Variants in SGCG observed in about 807,000 individuals in gnomAD.
SGCG encodes the protein gamma-sarcoglycan.
Under a neutral mutation model 29.3 loss-of-function variants are expected in SGCG, and 26 were observed. The observed-to-expected ratio is 0.89, with a 90% CI of 0.65 to 1.23. SGCG has a LOEUF of 1.23. Among genes scored for constraint, SGCG ranks in the 50% most tolerant of loss-of-function variants. The probability of loss-of-function intolerance (pLI) is 0.00; values close to 1 mark genes in which losing one functional copy is unlikely to be tolerated. For missense variants in SGCG, 353 were observed against 356.0 expected (o/e 0.99, Z 0.07); for synonymous variants, 145 against 129.7 (o/e 1.12, Z -0.80).
intron 5 of SGCG, among the ~76,000 whole-genome samples, chr13:23,281,581 G>C (rs717826): frequency 0.43 from 65,933 of 151,964 alleles, 15,136 homozygotes; most frequent in Middle Eastern, 0.65. Context: ...CTCTGTAGAA[G>C]AGCAGTCCCC....
intron 2 of SGCG, among the ~76,000 whole-genome samples, chr13:23,226,205 G>A (rs9580576): frequency 0.19 from 29,324 of 151,924 alleles, 3,143 homozygotes; most frequent in South Asian, 0.27. Context: ...TAAAAAGATC[G>A]TCTATTATGC....
chr13:23,319,633 C>T (rs1882960292), intron 6 of SGCG, among the ~76,000 whole-genome samples: 1 of 152,182 alleles, frequency 6.6e-6, no homozygotes, highest in Non-Finnish European at 1.5e-5. Context: ...TCTTAAGCCA[C>T]TTCCCTTTCT....
At chr13:23,276,739 G>T (rs938774810) in intron 4 of SGCG, among the ~76,000 whole-genome samples, 3 of 152,220 alleles carry the variant, frequency 2.0e-5, no homozygotes, top group Admixed American at 1.3e-4. Flanking sequence ...CCAGCAGGAA[G>T]CATGAACTCT....
chr13:23,283,951 A>G (rs1435609666), intron 5 of SGCG, among the ~76,000 whole-genome samples: 1 of 152,202 alleles, frequency 6.6e-6, no homozygotes, highest in Non-Finnish European at 1.5e-5. Flanking sequence ...TTTCTGGATT[A>G]TAGGGTTTCT....
chr13:23,275,605 C>A (rs1224574865), intron 4 of SGCG, among the ~76,000 whole-genome samples: 1 of 152,138 alleles, frequency 6.6e-6, no homozygotes, highest in Non-Finnish European at 1.5e-5. Context: ...CTAAGTTTCA[C>A]TGGCATAGCA....
chr13:23,251,545 G>A (rs1879968696), intron 4 of SGCG, among the ~76,000 whole-genome samples: 1 of 152,180 alleles, frequency 6.6e-6, no homozygotes, highest in Non-Finnish European at 1.5e-5. Context: ...CACTTTGGGA[G>A]GCCAGGATGG....
At chr13:23,216,013 AC>A (rs997260401) in intron 2 of SGCG, among the ~76,000 whole-genome samples, 4 of 152,274 alleles carry the variant, frequency 2.6e-5, no homozygotes, top group African/African-American at 9.6e-5. Flanking sequence ...ATAATTATCT[AC>A]CTTTTCTTAG....
At chr13:23,267,143 G>A (rs1880669844) in intron 4 of SGCG, among the ~76,000 whole-genome samples, 2 of 152,130 alleles carry the variant, frequency 1.3e-5, no homozygotes, top group East Asian at 3.8e-4. Context: ...ACTTAAATAT[G>A]AGACACACCC....
chr13:23,312,491 G>A (rs1882639720), intron 6 of SGCG, among the ~76,000 whole-genome samples: 1 of 152,186 alleles, frequency 6.6e-6, no homozygotes, highest in East Asian at 1.9e-4. Context: ...TTTAATAACT[G>A]TACTTCTATA....
chr13:23,271,025 C>G (rs1277706142), intron 4 of SGCG, among the ~76,000 whole-genome samples: 2 of 151,870 alleles, frequency 1.3e-5, no homozygotes, highest in Non-Finnish European at 2.9e-5. Context: ...AGTTCAAGAC[C>G]ATATGGAGAA....
chr13:23,219,905 G>A lies in SGCG; in HGVS notation c.196-14706G>A, dbSNP rs144183859. ...GGATGGAGTGCAGTGGCGCCATCTCGGCTCACTGCAAGCTCCGCCTTCTGG... is the reference window on the plus strand; with the variant it reads ...GGATGGAGTGCAGTGGCGCCATCTCAGCTCACTGCAAGCTCCGCCTTCTGG... On this transcript the variant is annotated intron_variant, in intron 2 of 7. Transcript: ENST00000218867. 2.8e-5 allele frequency among the ~76,000 whole-genome samples: 4 copies of A among 140,376 alleles called. No individual in the cohort carries two copies. In the East Asian group the frequency reaches 6.5e-4, roughly 23 times the overall value. 92.1% of individuals were successfully genotyped at this position (140,376 alleles called of 152,430 possible).
intron 1 of SGCG, among the ~76,000 whole-genome samples, chr13:23,200,159 A>G (rs1168174609): frequency 6.6e-6 from 1 of 152,198 alleles, no homozygotes; most frequent in Non-Finnish European, 1.5e-5. Flanking sequence ...GTGGTGGTGC[A>G]TGCCTGTAAT....
Position 23,203,801 on chromosome 13 carries a change from T to G in SGCG, c.107T>G (p.Leu36Arg). The G allele has an allele frequency of 6.2e-7, 1 of 1,613,980 alleles. No individual in the cohort carries two copies. Among genetic ancestry groups the G allele is most frequent in the East Asian group, 2.2e-5 (1 of 44,878 alleles). ...ATTTATGGCTGGAGAAAGCGCTGTC[T>G]CTACTTGTTTGTTCTTCTTTTACTC... ...IGIYGWRKRC[L>R]YLFVLLLLII... The change falls in exon 2 of 8, where the codon CTC becomes CGC. Residue 36 changes from leucine to arginine, a missense_variant. Transcript: ENST00000218867.
intron 2 of SGCG, among the ~76,000 whole-genome samples, chr13:23,206,079 A>AT (rs1877970552): frequency 6.6e-6 from 1 of 152,206 alleles, no homozygotes; most frequent in Admixed American, 6.5e-5. Context: ...TGAAACAGTA[A>AT]ATTGTAAATT....
chr13:23,212,548 T>C (rs528796642), intron 2 of SGCG, among the ~76,000 whole-genome samples: 2 of 152,330 alleles, frequency 1.3e-5, no homozygotes, highest in South Asian at 4.1e-4. Flanking sequence ...GTTGTTGTTA[T>C]ATGATTTTAG....
At chr13:23,237,076 CACTT>C (rs1194087086) in intron 3 of SGCG, among the ~76,000 whole-genome samples, 1 of 152,104 alleles carries the variant, frequency 6.6e-6, no homozygotes. Context: ...ACACATAACT[CACTT>C]ATGTGTACTG....
At chr13:23,281,647 G>A (rs1445400782) in intron 5 of SGCG, among the ~76,000 whole-genome samples, 1 of 152,190 alleles carries the variant, frequency 6.6e-6, no homozygotes, top group Admixed American at 6.5e-5. Context: ...CACAGTGTGG[G>A]AGATGGTTTT....
At chr13:23,178,905 C>G (rs147696839), upstream of SGCG, among the ~76,000 whole-genome samples, 1 of 152,054 alleles carries the variant, frequency 6.6e-6, no homozygotes, top group Non-Finnish European at 1.5e-5. Flanking sequence ...GAAAGGTCAG[C>G]GCTAACTGAT....
intron 3 of SGCG, among the ~76,000 whole-genome samples, chr13:23,241,997 T>C (rs557853636): frequency 1.1e-4 from 17 of 152,266 alleles, no homozygotes; most frequent in South Asian, 8.3e-4. Flanking sequence ...ATGGATTCTT[T>C]TAGAAGATCA....
Sources: gnomAD v4.1 joint callset for allele counts (sites outside exome capture counted in the v4.1 genomes callset) on GRCh38, gnomAD v4.1.1 for gene constraint, MANE v1.5 for transcripts, NCBI Gene and HGNC (gene_info 2026-07-23, HGNC 2026-07-21) for gene names.